The following CYB561 variants were observed in gnomAD, a reference collection of about 807,000 sequenced individuals.
CYB561 encodes cytochrome b561, also known as transmembrane ascorbate-dependent reductase CYB561.
CYB561 carries 11 observed loss-of-function variants against 25.3 expected under a neutral mutation model. The ratio of observed to expected loss-of-function variants is 0.44; its 90% CI spans 0.27 to 0.72. CYB561 has a LOEUF of 0.72. Among genes scored for constraint, CYB561 ranks in the 30% least tolerant of loss-of-function variants. The pLI is 0.18. For missense variants in CYB561, 295 were observed against 334.9 expected, an observed-to-expected ratio of 0.88 and a Z score of 0.93; for synonymous variants, 165 against 158.8, an observed-to-expected ratio of 1.04 and a Z score of -0.29.
chr17:63,444,696 T>C (rs1451492371), intron 1 of CYB561, among the ~76,000 whole-genome samples: 2 of 152,238 alleles, frequency 1.3e-5, no homozygotes, highest in African/African-American at 4.8e-5. Flanking sequence ...TGTGACATTG[T>C]ATATTCCCAA....
chr17:63,437,487 G>C lies in CYB561; in HGVS notation c.61C>G (p.Gln21Glu). The C allele has an allele frequency of 3.1e-6, 5 of 1,613,766 alleles. No individual in the cohort carries two copies. The highest frequency in any genetic ancestry group is 4.2e-6 in the Non-Finnish European group (5 of 1,179,956). Residue 21 changes from glutamine (Q) to glutamate (E), a missense_variant, in exon 2 of 6, where the codon CAG becomes GAG. By Grantham distance (29) the Gln-to-Glu change is conservative. Transcript: ENST00000360793. ...TALPYYVAFS[Q>E]LLGLTLVAMT... is the part of the protein sequence containing the mutation. ...GCCACCAAGGTCAGGCCCAGCAGCT[G>C]GGAGAAGGCCACGTAGTAAGGCAGT...
intron 1 of CYB561, among the ~76,000 whole-genome samples, chr17:63,444,136 C>T (rs75065845): frequency 6.6e-6 from 1 of 152,158 alleles, no homozygotes; most frequent in Non-Finnish European, 1.5e-5. Context: ...GCGTGCTCCA[C>T]GATGCCTGGC....
intron 1 of CYB561, chr17:63,446,027 G>A (rs2049420238): frequency 6.6e-6 from 1 of 152,350 alleles, no homozygotes; most frequent in African/African-American, 2.4e-5. Flanking sequence ...TGGACCGGGA[G>A]AGGCTCGGCT....
chr17:63,445,486 G>A (rs1196780188), intron 1 of CYB561, among the ~76,000 whole-genome samples: 1 of 151,840 alleles, frequency 6.6e-6, no homozygotes, highest in Non-Finnish European at 1.5e-5. Context: ...GGCTGCCAAG[G>A]TGGAATGAAT....
intron 1 of CYB561, among the ~76,000 whole-genome samples, chr17:63,438,516 G>A (rs2049341151): frequency 7.9e-6 from 1 of 126,278 alleles, no homozygotes; most frequent in Non-Finnish European, 1.6e-5. Flanking sequence ...GAAGTGCCCC[G>A]ACCATGCTGC....
At chr17:63,434,766 A>C in intron 5 of CYB561, 172 bp from the exon 6 acceptor site, 3 of 634,532 alleles carry the variant, frequency 4.7e-6, no homozygotes. Context: ...ATCTCCAGCT[A>C]TGGCTCACAG....
rs1046394706 is a variant in CYB561, at chr17:63,434,444, G to A, written c.714C>T (p.Asp238=). ...TATCTCCCTCCGTCAGCGTCTTGAA[G>A]TCCATGGAGAGGGCCTGCTCTTCCG... is the stretch of plus-strand genomic sequence containing the variant. ...SQAEEQALSM[D]FKTLTEGDSP... is the part of the protein sequence containing the mutation. Residue 238 remains aspartate (D), a synonymous_variant, in exon 6 of 6, where the codon GAC becomes GAT. Coordinates refer to ENST00000360793, the MANE Select transcript of CYB561 (RefSeq NM_001915.4). 1.3e-6 allele frequency: 2 copies of A among 1,598,310 alleles called. No homozygotes were observed. Among genetic ancestry groups the A allele is most frequent in the Non-Finnish European group, 8.5e-7 (1 of 1,172,616 alleles).
chr17:63,435,167 A>C lies in CYB561; in HGVS notation c.482T>G (p.Ile161Ser). 4 of 1,614,204 alleles carry C rather than the reference A, an allele frequency of 2.5e-6. No individual in the cohort carries two copies. The highest frequency in any genetic ancestry group is 3.4e-6 in the Non-Finnish European group (4 of 1,180,028). The change falls in exon 5 of 6, where the codon ATC (isoleucine) becomes AGC (serine). Residue 161 changes from isoleucine to serine, a missense_variant. Ile to Ser is a moderately radical substitution (Grantham distance 142). Coordinates refer to ENST00000360793, the MANE Select transcript of CYB561 (RefSeq NM_001915.4). ...SLRSRYRPQHIFFGATIFLLS... is the reference protein window; with the variant it reads ...SLRSRYRPQHSFFGATIFLLS... ...GAGGAAGATGGTAGCACCAAAGAAG[A>C]TGTGCTGTGGGCGGTAGCGGCTCCG...
rs1378363989 is a variant in CYB561 at position 63,434,380 on chromosome 17, C to G, written c.*22G>C. On this transcript the variant is annotated 3_prime_UTR_variant, in exon 6 of 6. Coordinates refer to ENST00000360793, the MANE Select transcript of CYB561 (RefSeq NM_001915.4). The stretch of plus-strand genomic sequence containing the variant: ...GGCAGGCAAGAAGACACCCCGCGAA[C>G]CCCCAGGGCCGGCCGGGCGCATCAC... 1 of 1,527,596 alleles carries G rather than the reference C, an allele frequency of 6.5e-7. No individual in the cohort carries two copies. The highest frequency in any genetic ancestry group is 8.8e-7 in the Non-Finnish European group (1 of 1,131,592). 94.6% of individuals were successfully genotyped at this position (1,527,596 alleles called of 1,614,324 possible). A position where few individuals can be genotyped will look rare whatever the true frequency, so the allele number is the denominator to read the frequency against.
chr17:63,443,407 G>A (rs1187113880), intron 1 of CYB561, among the ~76,000 whole-genome samples: 1 of 152,154 alleles, frequency 6.6e-6, no homozygotes, highest in Non-Finnish European at 1.5e-5. Flanking sequence ...GGCAGCCCAG[G>A]GACCCGGGGT....
At chr17:63,445,344 C>T (rs9912783) in intron 1 of CYB561, among the ~76,000 whole-genome samples, 3,497 of 150,310 alleles carry the variant, frequency 0.023, 45 homozygotes, top group South Asian at 0.035. Flanking sequence ...CAAATTTCAC[C>T]GGGAGAAATC....
intron 4 of CYB561, 86 bp downstream of exon 4, chr17:63,435,601 TC>T: frequency 9.3e-7 from 1 of 1,073,198 alleles, no homozygotes; most frequent in Non-Finnish European, 1.4e-6. Context: ...ATCAGGCCCT[TC>T]CATGAGGTAC....
chr17:63,445,091 G>C (rs528748393), intron 1 of CYB561, among the ~76,000 whole-genome samples: 12 of 152,094 alleles, frequency 7.9e-5, no homozygotes, highest in Non-Finnish European at 1.8e-4. Flanking sequence ...CAGGAGAATC[G>C]CTTGAACCCG....
intron 1 of CYB561, chr17:63,440,966 C>T (rs1014407713): frequency 6.6e-6 from 1 of 152,224 alleles, no homozygotes; most frequent in Admixed American, 6.5e-5. Context: ...ACAGAGGGGA[C>T]ATCACCTCTC....
Position 63,437,559 on chromosome 17 carries a change from C to CGG in CYB561, c.-13_-12insCC. ...GCCCCGCCCTCCATGCTGAGGCAAACGCTGCAAGAAAGAGCAGAGCTCAGA... is the reference window on the plus strand; with the variant it reads ...GCCCCGCCCTCCATGCTGAGGCAAACGGGCTGCAAGAAAGAGCAGAGCTCAGA... On this transcript the variant is annotated splice_region_variant and 5_prime_UTR_variant, in exon 2 of 6. Coordinates refer to ENST00000360793, the MANE Select transcript of CYB561 (RefSeq NM_001915.4). 4 of 1,604,644 alleles carry CGG rather than the reference C, an allele frequency of 2.5e-6. No homozygotes were observed. Among genetic ancestry groups the CGG allele is most frequent in the South Asian group, 1.1e-5 (1 of 90,858 alleles).
intron 1 of CYB561, among the ~76,000 whole-genome samples, chr17:63,441,864 G>T (rs917321136): frequency 6.6e-6 from 1 of 152,222 alleles, no homozygotes; most frequent in Non-Finnish European, 1.5e-5. Context: ...CGTCCTCCCC[G>T]CCTCGGTTCC....
At chr17:63,437,776 CA>C in intron 1 of CYB561, 1 of 416,478 alleles carries the variant, frequency 2.4e-6, no homozygotes, top group Non-Finnish European at 4.3e-6. Context: ...TAGATGCGCG[CA>C]ACACCCCCCC....
At chr17:63,438,262 G>A in intron 1 of CYB561, 1 of 1,524,760 alleles carries the variant, frequency 6.6e-7, no homozygotes, top group Non-Finnish European at 8.8e-7. Context: ...GGCTTTACAG[G>A]TGAGTTACAC....
intron 1 of CYB561, chr17:63,438,069 C>G: frequency 6.8e-7 from 1 of 1,478,370 alleles, no homozygotes; most frequent in Non-Finnish European, 9.0e-7. Context: ...GGTCTCAAGT[C>G]TCGGGAGTGG....
Sources: gnomAD v4.1 joint callset for allele counts (sites outside exome capture counted in the v4.1 genomes callset) on GRCh38, gnomAD v4.1.1 for gene constraint, MANE v1.5 for transcripts, NCBI Gene and HGNC (gene_info 2026-07-23, HGNC 2026-07-21) for gene names.